The following BRPF3 variants were observed in gnomAD, a reference collection of about 807,000 sequenced individuals.
BRPF3 encodes the protein bromodomain and PHD finger-containing protein 3.
A neutral mutation model predicts 102.0 loss-of-function variants in BRPF3; 18 were observed. That is an observed-to-expected ratio of 0.18 (90% CI 0.12 to 0.26). The LOEUF (loss-of-function observed/expected upper bound fraction) is 0.26, where lower values mean the gene tolerates loss of function less well. BRPF3 is among the 10% of genes least tolerant of loss of function. The pLI is 1.00. For synonymous variants in BRPF3, 570 were observed against 614.2 expected (o/e 0.93, Z 1.06); for missense variants, 1,147 against 1,567.8 (o/e 0.73, Z 4.53).
Position 36,232,205 on chromosome 6 carries a change from AG to A in BRPF3, c.*1599del. ...AATAAAAACAATACAGCATATGGCTAGGGAAGGACATGGTGTATATAATTGT... is the reference window on the plus strand; with the variant it reads ...AATAAAAACAATACAGCATATGGCTAGGAAGGACATGGTGTATATAATTGT... On this transcript the variant is annotated 3_prime_UTR_variant, in exon 13 of 13. Transcript: ENST00000357641. 1 of 152,780 alleles carries A rather than the reference AG, an allele frequency of 6.5e-6. No individual in the cohort carries two copies. The highest frequency in any genetic ancestry group is 1.9e-4 in the East Asian group (1 of 5,194). 9.5% of individuals were successfully genotyped at this position (152,780 alleles called of 1,614,324 possible). A position where few individuals can be genotyped will look rare whatever the true frequency, so the allele number is the denominator to read the frequency against.
chr6:36,198,829 A>G (rs866738030), intron 1 of BRPF3, among the ~76,000 whole-genome samples: 1 of 152,110 alleles, frequency 6.6e-6, no homozygotes, highest in Non-Finnish European at 1.5e-5. Context: ...GCAGCTCCTT[A>G]TGAGCTTGTC....
intron 3 of BRPF3, among the ~76,000 whole-genome samples, chr6:36,206,958 C>G (rs1275453086): frequency 6.6e-6 from 1 of 152,074 alleles, no homozygotes; most frequent in African/African-American, 2.4e-5. Context: ...GCTTTGTTTT[C>G]TAGCCAAGTG....
chr6:36,200,763 C>G lies in BRPF3; in HGVS notation c.441C>G (p.Asp147Glu). The G allele has an allele frequency of 6.2e-7, 1 of 1,614,166 alleles. No homozygotes were observed. The highest frequency in any genetic ancestry group is 8.5e-7 in the Non-Finnish European group (1 of 1,180,028). ...GCTACATTGAGAAGCCACCTGAAGACCTGGATGCAGAGGTAGAGTATGACA... is the reference window on the plus strand; with the variant it reads ...GCTACATTGAGAAGCCACCTGAAGAGCTGGATGCAGAGGTAGAGTATGACA... ...YYRYIEKPPE[D>E]LDAEVEYDMD... Residue 147 changes from aspartate to glutamate, a missense_variant, in exon 2 of 13, where the codon GAC (aspartate) becomes GAG (glutamate). Asp to Glu is a conservative substitution (Grantham distance 45, BLOSUM62 2). Coordinates refer to ENST00000357641, the MANE Select transcript of BRPF3 (RefSeq NM_015695.3). The surrounding 1 kb of genome is among the most constrained non-coding windows in gnomAD (Gnocchi z 5.3).
intron 7 of BRPF3, 124 bp downstream of exon 7, chr6:36,211,684 G>A (rs1768120384): frequency 4.4e-6 from 5 of 1,129,178 alleles, no homozygotes; most frequent in Middle Eastern, 2.9e-4. Flanking sequence ...AAGCAAAAGT[G>A]CTTGGAAGGG....
At position 36,230,747 on chromosome 6, in the gene BRPF3, A is replaced by C; in HGVS notation, c.*138A>C. The stretch of plus-strand genomic sequence containing the variant: ...CCAGGGACTGGGCTTTCTCCCCACT[A>C]AGGGCAAGGCCCCAGTTTTGACCAA... On this transcript the variant is annotated 3_prime_UTR_variant, in exon 13 of 13. Transcript: ENST00000357641. The surrounding 1 kb of genome is among the most constrained non-coding windows in gnomAD (Gnocchi z 5.4). 1 of 1,115,560 alleles carries C rather than the reference A, an allele frequency of 9.0e-7. No individual in the cohort carries two copies. Among genetic ancestry groups the C allele is most frequent in the Non-Finnish European group, 1.3e-6 (1 of 795,066 alleles). 69.1% of individuals were successfully genotyped at this position (1,115,560 alleles called of 1,614,324 possible).
rs1767641464 is a variant in BRPF3 at position 36,200,164 on chromosome 6, T to C, written c.-26-133T>C. On this transcript the variant is annotated intron_variant, in intron 1 of 12. Transcript: ENST00000357641. The surrounding 1 kb of genome is among the most constrained non-coding windows in gnomAD (Gnocchi z 5.3). ...TCAAAGGAAGTGAAGGAGCAAGCCATGTGGATGCCTGAGGGGCAAGTTGTT... is the reference window on the plus strand; with the variant it reads ...TCAAAGGAAGTGAAGGAGCAAGCCACGTGGATGCCTGAGGGGCAAGTTGTT... 9.0e-7 allele frequency: 1 copy of C among 1,113,160 alleles called. No individual in the cohort carries two copies. The highest frequency in any genetic ancestry group is 1.2e-6 in the Non-Finnish European group (1 of 815,100). The allele number at this position is 1,113,160 out of a possible 1,614,324, so 69.0% of individuals were successfully genotyped here.
At chr6:36,227,821 A>G (rs1768796327) in intron 11 of BRPF3, among the ~76,000 whole-genome samples, 1 of 152,196 alleles carries the variant, frequency 6.6e-6, no homozygotes, top group African/African-American at 2.4e-5. Flanking sequence ...TAAACTCCTA[A>G]CCAGAACAGC....
chr6:36,219,669 G>T (rs1032531783), intron 9 of BRPF3, among the ~76,000 whole-genome samples: 1 of 152,182 alleles, frequency 6.6e-6, no homozygotes, highest in African/African-American at 2.4e-5. Context: ...GGGGCCCCTT[G>T]GAGGAAGTAT....
chr6:36,227,353 T>C (rs1001951529), intron 11 of BRPF3, among the ~76,000 whole-genome samples: 1 of 152,234 alleles, frequency 6.6e-6, no homozygotes, highest in African/African-American at 2.4e-5. Flanking sequence ...AAGCATTTTG[T>C]ATCGTTCTAT....
At chr6:36,217,810 T>C in intron 8 of BRPF3, 107 bp from the exon 9 acceptor site, 2 of 775,444 alleles carry the variant, frequency 2.6e-6, no homozygotes, top group South Asian at 1.8e-5. Context: ...GGAATAGCCA[T>C]CCTCTCCACT....
chr6:36,198,118 C>T (rs1767570544), intron 1 of BRPF3, among the ~76,000 whole-genome samples: 1 of 152,140 alleles, frequency 6.6e-6, no homozygotes, highest in African/African-American at 2.4e-5. Context: ...AGCCAAGGGC[C>T]TCTGGAACCC....
intron 9 of BRPF3, among the ~76,000 whole-genome samples, chr6:36,219,134 A>C (rs889455084): frequency 6.6e-6 from 1 of 152,094 alleles, no homozygotes; most frequent in South Asian, 2.1e-4. Flanking sequence ...CAGACTGGGC[A>C]TGTGTTCTTT....
intron 8 of BRPF3, among the ~76,000 whole-genome samples, chr6:36,216,037 G>C (rs1768317620): frequency 6.6e-6 from 1 of 152,162 alleles, no homozygotes; most frequent in South Asian, 2.1e-4. Flanking sequence ...TGTTAGGGGA[G>C]TAAGTTGGTA....
chr6:36,227,406 T>C (rs1376334398), intron 11 of BRPF3, among the ~76,000 whole-genome samples: 1 of 152,258 alleles, frequency 6.6e-6, no homozygotes. Flanking sequence ...TAATAGTGTA[T>C]GTACACATAT....
At chr6:36,229,636 A>C (rs1011168219) in intron 12 of BRPF3, among the ~76,000 whole-genome samples, 4 of 152,196 alleles carry the variant, frequency 2.6e-5, no homozygotes, top group African/African-American at 9.7e-5. Context: ...AGACTTGCTC[A>C]TTTATGGTTT....
At position 36,227,789 on chromosome 6, in the gene BRPF3, G is replaced by C. The variant is rs78563977; in HGVS notation, c.3280-1113G>C. Among the ~76,000 whole-genome samples the C allele has an allele frequency of 5.1e-4, 78 of 152,312 alleles. 2 individuals are homozygous for C. In the East Asian group the frequency reaches 0.01, roughly 20 times the overall value. On this transcript the variant is annotated intron_variant, in intron 11 of 12. Transcript: ENST00000357641. ...TCAAATTACACACCTGGTGGGTGGG[G>C]TAAGGTGGTTCTTCCTTAGAGTAAA...
rs542452107 is a variant in BRPF3 at position 36,208,450 on chromosome 6, A to G, written c.1737+1006A>G. ...CAGGAGTTTGAGATGAGCCAGGGCA[A>G]CAAAGCAAGACCTGTTCTCCACAAA... On this transcript the variant is annotated intron_variant, in intron 4 of 12. Coordinates refer to ENST00000357641, the MANE Select transcript of BRPF3 (RefSeq NM_015695.3). Among the ~76,000 whole-genome samples, 46 of 152,330 alleles carry G rather than the reference A, an allele frequency of 3.0e-4. No individual in the cohort carries two copies. In the South Asian group the frequency reaches 6.8e-3, roughly 23 times the overall value.
chr6:36,207,128 C>T (rs1431050952), intron 3 of BRPF3, among the ~76,000 whole-genome samples, 185 bp from the exon 4 acceptor site: 13 of 152,084 alleles, frequency 8.5e-5, no homozygotes, highest in Admixed American at 3.3e-4. Context: ...AATGAAGAAA[C>T]AGTGCTGTAA....
chr6:36,223,885 C>T (rs1447302433), intron 10 of BRPF3, among the ~76,000 whole-genome samples: 3 of 152,162 alleles, frequency 2.0e-5, no homozygotes, highest in Non-Finnish European at 4.4e-5. Flanking sequence ...AATGGCTCTT[C>T]AGACATACTG....
Sources: allele counts gnomAD v4.1 joint callset (sites outside exome capture counted in the v4.1 genomes callset), GRCh38; gene constraint gnomAD v4.1.1; non-coding constraint Gnocchi (gnomAD v3.1); transcripts MANE v1.5; gene names NCBI Gene and HGNC (gene_info 2026-07-23, HGNC 2026-07-21).